RBMS3: variants seen among roughly 807,000 people sequenced by gnomAD.
RBMS3 encodes the protein RNA binding motif single stranded interacting protein 3, also known as RNA-binding motif, single-stranded-interacting protein 3.
A neutral mutation model predicts 66.8 loss-of-function variants in RBMS3; 27 were observed. The ratio of observed to expected loss-of-function variants is 0.40; its 90% CI spans 0.30 to 0.56. The LOEUF (loss-of-function observed/expected upper bound fraction) is 0.56, where lower values mean the gene tolerates loss of function less well. Among genes scored for constraint, RBMS3 ranks in the 20% least tolerant of loss-of-function variants. The pLI is 0.40. For synonymous variants in RBMS3, 188 were observed against 183.0 expected, an observed-to-expected ratio of 1.03 and a Z score of -0.22; for missense variants, 513 against 549.5, an observed-to-expected ratio of 0.93 and a Z score of 0.66.
chr3:29,964,126 A>T (rs1199849391), intron 12 of RBMS3, among the ~76,000 whole-genome samples: 1 of 152,220 alleles, frequency 6.6e-6, no homozygotes, highest in Non-Finnish European at 1.5e-5. Flanking sequence ...ACCCAGTTAT[A>T]TCAGATCTTC....
chr3:29,997,082 G>T (rs1020278752), intron 14 of RBMS3, among the ~76,000 whole-genome samples: 1 of 150,924 alleles, frequency 6.6e-6, no homozygotes, highest in Non-Finnish European at 1.5e-5. Flanking sequence ...ATGATAAAGG[G>T]GATATCACCA....
At chr3:29,359,489 G>T (rs930118049) in intron 1 of RBMS3, among the ~76,000 whole-genome samples, 2 of 152,046 alleles carry the variant, frequency 1.3e-5, no homozygotes, top group African/African-American at 2.4e-5. Flanking sequence ...TTCATCAGGG[G>T]TATTGGTCTA....
chr3:29,790,110 T>G (rs2056951447), intron 6 of RBMS3, among the ~76,000 whole-genome samples: 1 of 152,188 alleles, frequency 6.6e-6, no homozygotes, highest in South Asian at 2.1e-4. Context: ...CATTTTTCTT[T>G]GATGTTAAAC....
chr3:29,832,722 A>T (rs7623709), intron 6 of RBMS3, among the ~76,000 whole-genome samples: 1 of 151,882 alleles, frequency 6.6e-6, no homozygotes, highest in South Asian at 2.1e-4. Context: ...GTTGGAAGAA[A>T]CTGGGAACAG....
chr3:29,350,786 C>T (rs1345178069), intron 1 of RBMS3, among the ~76,000 whole-genome samples: 1 of 151,720 alleles, frequency 6.6e-6, no homozygotes, highest in African/African-American at 2.4e-5. Flanking sequence ...AAAAAGGACC[C>T]CCAAAATGTT....
intron 7 of RBMS3, chr3:29,880,678 A>G: frequency 9.1e-7 from 1 of 1,097,340 alleles, no homozygotes; most frequent in Non-Finnish European, 1.3e-6. Context: ...CAATGGGTTA[A>G]GTTCAAACAA....
chr3:29,373,924 G>T (rs989849823), intron 1 of RBMS3, among the ~76,000 whole-genome samples: 1 of 152,170 alleles, frequency 6.6e-6, no homozygotes, highest in Non-Finnish European at 1.5e-5. Context: ...ATCCTGCCTA[G>T]TAAATGTGGA....
At chr3:29,805,050 G>T (rs867674114) in intron 6 of RBMS3, among the ~76,000 whole-genome samples, 2 of 151,752 alleles carry the variant, frequency 1.3e-5, no homozygotes, top group African/African-American at 4.8e-5. Flanking sequence ...TAAATTATCT[G>T]TTCTGTGTTT....
intron 3 of RBMS3, among the ~76,000 whole-genome samples, chr3:29,520,055 C>G (rs1219126629): frequency 6.6e-6 from 1 of 152,098 alleles, no homozygotes; most frequent in African/African-American, 2.4e-5. Context: ...AACTGGCCAT[C>G]CTGTATTTTT....
At chr3:29,851,869 C>T (rs1384756478) in intron 6 of RBMS3, among the ~76,000 whole-genome samples, 2 of 152,130 alleles carry the variant, frequency 1.3e-5, no homozygotes, top group African/African-American at 4.8e-5. Context: ...ACACGAATAG[C>T]CAAGACAATC....
chr3:29,635,955 G>C (rs1285664612), intron 4 of RBMS3, among the ~76,000 whole-genome samples: 1 of 151,646 alleles, frequency 6.6e-6, no homozygotes, highest in African/African-American at 2.4e-5. Context: ...AAGAAATCCT[G>C]TTACAATACC....
intron 4 of RBMS3, among the ~76,000 whole-genome samples, chr3:29,673,492 T>C (rs528483700): frequency 4.1e-4 from 60 of 146,142 alleles, no homozygotes; most frequent in Non-Finnish European, 7.7e-4. Context: ...ATCAACAAAA[T>C]TGATAGACTG....
At chr3:29,672,877 AGAAAGGTAACAAGGATATCCAGGCCTT>A (rs2051068286) in intron 4 of RBMS3, among the ~76,000 whole-genome samples, 1 of 152,198 alleles carries the variant, frequency 6.6e-6, no homozygotes, top group South Asian at 2.1e-4. Flanking sequence ...TCAACAAGAC[AGAAAGGTAACAAGGATATCCAGGCCTT>A]GAATTCAGCT....
intron 1 of RBMS3, among the ~76,000 whole-genome samples, chr3:29,283,720 G>T (rs1332077055): frequency 1.3e-5 from 2 of 152,138 alleles, no homozygotes; most frequent in Non-Finnish European, 2.9e-5. Flanking sequence ...GGATAGTAGG[G>T]AATATAAGAT....
chr3:29,773,769 T>C (rs2056315683), intron 6 of RBMS3, among the ~76,000 whole-genome samples: 1 of 152,120 alleles, frequency 6.6e-6, no homozygotes, highest in Non-Finnish European at 1.5e-5. Context: ...GGGCCATCCA[T>C]AAACAGTGAT....
At chr3:29,779,041 C>T (rs1381490699) in intron 6 of RBMS3, among the ~76,000 whole-genome samples, 2 of 151,794 alleles carry the variant, frequency 1.3e-5, no homozygotes, top group Non-Finnish European at 3.0e-5. Context: ...TTTCTTTAGT[C>T]TGGTCAAAGA....
chr3:29,322,591 A>G (rs892243611), intron 1 of RBMS3, among the ~76,000 whole-genome samples: 4 of 151,940 alleles, frequency 2.6e-5, no homozygotes, highest in Non-Finnish European at 4.4e-5. Context: ...GTCCAGATCA[A>G]GTCAGTTGCC....
chr3:29,466,870 T>C (rs572404342), intron 2 of RBMS3, among the ~76,000 whole-genome samples: 1 of 152,330 alleles, frequency 6.6e-6, no homozygotes, highest in African/African-American at 2.4e-5. Flanking sequence ...TGCTTAATTG[T>C]TTTATTACCA....
At chr3:29,379,542 G>A (rs932244576) in intron 1 of RBMS3, among the ~76,000 whole-genome samples, 2 of 152,136 alleles carry the variant, frequency 1.3e-5, no homozygotes, top group Non-Finnish European at 2.9e-5. Context: ...CTCACATGGC[G>A]GCAGTGCAGG....
Sources: allele counts gnomAD v4.1 joint callset (sites outside exome capture counted in the v4.1 genomes callset), GRCh38; gene constraint gnomAD v4.1.1; transcripts MANE v1.5; gene names NCBI Gene and HGNC (gene_info 2026-07-23, HGNC 2026-07-21).